ABCA8: variants seen among roughly 807,000 people sequenced by gnomAD.
The protein encoded by ABCA8 is ATP binding cassette subfamily A member 8.
ABCA8 carries 177 observed loss-of-function variants against 192.3 expected under a neutral mutation model. The observed-to-expected ratio is 0.92, with a 90% confidence interval of 0.81 to 1.04. The LOEUF (loss-of-function observed/expected upper bound fraction) is 1.04. Ranked by LOEUF, ABCA8 falls within the 50% of genes least tolerant of loss-of-function variation. The pLI is 0.00. For missense variants in ABCA8, 1,915 were observed against 1,904.8 expected (o/e 1.01, Z -0.10); for synonymous variants, 642 against 690.2 (o/e 0.93, Z 1.09).
At chr17:68,868,207 G>A (rs1436395359) in intron 39 of ABCA8, 24 bp from the exon 40 acceptor site, 1 of 1,610,236 alleles carries the variant, frequency 6.2e-7, no homozygotes, top group Non-Finnish European at 8.5e-7. Context: ...AGGAAATAAA[G>A]AGAGGAGAAC....
chr17:68,920,960 T>G (rs973449935), intron 13 of ABCA8, among the ~76,000 whole-genome samples: 1 of 152,104 alleles, frequency 6.6e-6, no homozygotes, highest in Admixed American at 6.5e-5. Flanking sequence ...CAAATGTCCC[T>G]CAATGATAGA....
chr17:68,928,029 G>A lies in ABCA8; in HGVS notation c.1160C>T (p.Ala387Val). Reference protein sequence around the residue: ...LHLDYDLNSNAFPHPSDGSNL... With the variant: ...LHLDYDLNSNVFPHPSDGSNL... ...TGAGCCGTCCGATGGATGAGGAAAT[G>A]CATTAGAATTCAAATCATAGTCCAA... The change falls in exon 10 of 40, where the codon GCA becomes GTA. Residue 387 changes from alanine to valine, a missense_variant. Transcript: ENST00000586539. The A allele has an allele frequency of 6.3e-7, 1 of 1,599,716 alleles. No homozygotes were observed.
At chr17:68,947,111 G>A (rs2068432744) in intron 2 of ABCA8, among the ~76,000 whole-genome samples, 1 of 152,134 alleles carries the variant, frequency 6.6e-6, no homozygotes, top group East Asian at 1.9e-4. Context: ...CAAGTTTCAT[G>A]ATAAATAAAG....
At position 68,881,984 on chromosome 17, in the gene ABCA8, T is replaced by A; in HGVS notation, c.3829-4A>T. 1.9e-6 allele frequency: 3 copies of A among 1,609,984 alleles called. No individual in the cohort carries two copies. The Middle Eastern group carries it at 5.0e-4, about 266-fold the overall frequency. On this transcript the variant is annotated splice_region_variant and splice_polypyrimidine_tract_variant and intron_variant, in intron 30 of 39. Coordinates refer to ENST00000586539, the MANE Select transcript of ABCA8 (RefSeq NM_001288985.2). The stretch of plus-strand genomic sequence containing the variant: ...AGCTGGCAATGATGACTGGCTTCTG[T>A]AAATGACAAGAAGTTATTATGTCAG...
At chr17:68,924,672 G>T in intron 11 of ABCA8, 29 bp downstream of exon 11, 2 of 1,595,406 alleles carry the variant, frequency 1.3e-6, no homozygotes, top group Non-Finnish European at 1.7e-6. Context: ...CTGCCTTTTT[G>T]CCCTGTTCTC....
chr17:68,876,698 A>G lies in ABCA8; in HGVS notation c.4205T>C (p.Val1402Ala). The change falls in exon 34 of 40, where the codon GTG (valine) becomes GCG (alanine). Residue 1402 changes from valine (V) to alanine (A), a missense_variant. Coordinates refer to ENST00000586539, the MANE Select transcript of ABCA8 (RefSeq NM_001288985.2). ...CTGGTCCTGCAGCTTGAGCGCATCC[A>G]CTAACCTGAAGGAAACAGGAGAGTC... ...GDAEVAITRLVDALKLQDQLK... is the reference protein window; with the variant it reads ...GDAEVAITRLADALKLQDQLK... The G allele has an allele frequency of 6.2e-7, 1 of 1,614,198 alleles. No homozygotes were observed. The highest frequency in any genetic ancestry group is 1.1e-5 in the South Asian group (1 of 91,080).
chr17:68,909,811 AT>A (rs1264068931), intron 17 of ABCA8, among the ~76,000 whole-genome samples: 2 of 152,030 alleles, frequency 1.3e-5, no homozygotes, highest in African/African-American at 4.8e-5. Flanking sequence ...CTGTCATCCT[AT>A]TTTCTTTGTA....
At position 68,911,613 on chromosome 17, in the gene ABCA8, C is replaced by T. The variant is rs948663851; in HGVS notation, c.2139-3734G>A. On this transcript the variant is annotated intron_variant, in intron 17 of 39. Transcript: ENST00000586539. The surrounding 1 kb of genome is among the most constrained non-coding windows in gnomAD (Gnocchi z 5.7). ...ACATTGGCGGTAGCCAGGCAGTGGT[C>T]GCTGCGGGTCTTGGGAAAGACCCAG... 1.3e-5 allele frequency among the ~76,000 whole-genome samples: 2 copies of T among 152,124 alleles called. No homozygotes were observed. The highest frequency in any genetic ancestry group is 1.3e-4 in the Admixed American group (2 of 15,274).
intron 8 of ABCA8, 91 bp from the exon 9 acceptor site, chr17:68,929,325 G>T (rs1047515719): frequency 8.9e-7 from 1 of 1,125,090 alleles, no homozygotes; most frequent in Non-Finnish European, 1.2e-6. Flanking sequence ...GTTATTTTGT[G>T]TATGTAACAG....
intron 37 of ABCA8, among the ~76,000 whole-genome samples, chr17:68,873,935 T>G (rs1328304025): frequency 6.6e-6 from 1 of 152,224 alleles, no homozygotes; most frequent in Non-Finnish European, 1.5e-5. Flanking sequence ...AGTGCCATAT[T>G]GTTTTGATTT....
intron 23 of ABCA8, 97 bp from the exon 24 acceptor site, chr17:68,891,693 C>A: frequency 1.2e-6 from 1 of 861,806 alleles, no homozygotes. Context: ...TTACATAATT[C>A]TGCCTTAGGT....
At chr17:68,918,792 C>G (rs537384053) in intron 14 of ABCA8, among the ~76,000 whole-genome samples, 4 of 151,950 alleles carry the variant, frequency 2.6e-5, no homozygotes, top group African/African-American at 9.7e-5. Context: ...ATTAGCCAAG[C>G]CTGGCGGCGT....
intron 11 of ABCA8, among the ~76,000 whole-genome samples, chr17:68,922,988 T>C (rs147774422): frequency 1.6e-4 from 24 of 152,234 alleles, no homozygotes; most frequent in African/African-American, 5.8e-4. Context: ...GGTTACATGG[T>C]GATGATGGCT....
rs4147979 is a variant in ABCA8, at chr17:68,929,183, C to T, written c.991G>A (p.Gly331Ser). The change falls in exon 9 of 40, where the codon GGC becomes AGC. Residue 331 changes from glycine (G) to serine (S), a missense_variant. Transcript: ENST00000586539. Reference protein sequence around the residue: ...SILVKKSFLTGLVVFLLTVFW... With the variant: ...SILVKKSFLTSLVVFLLTVFW... ...ACAGTGAGGAGGAACACGACCAGGC[C>T]GGTGAGGAAAGATTTCTTTACCAAG... 573 of 1,608,862 alleles carry T rather than the reference C, an allele frequency of 3.6e-4. No homozygotes were observed. The highest frequency in any genetic ancestry group is 4.4e-4 in the Non-Finnish European group (515 of 1,177,428).
intron 29 of ABCA8, 134 bp downstream of exon 29, chr17:68,883,657 T>A: frequency 1.7e-6 from 1 of 602,500 alleles, no homozygotes; most frequent in South Asian, 2.3e-5. Flanking sequence ...TCTGTATTAT[T>A]TGTATGGGCA....
intron 21 of ABCA8, among the ~76,000 whole-genome samples, chr17:68,895,970 C>T (rs1485449719): frequency 6.6e-6 from 1 of 151,998 alleles, no homozygotes; most frequent in Admixed American, 6.6e-5. Context: ...CCAGAGGCCA[C>T]CACCCCTGCC....
intron 5 of ABCA8, among the ~76,000 whole-genome samples, 165 bp from the exon 6 acceptor site, chr17:68,933,436 T>C (rs2067967391): frequency 6.6e-6 from 1 of 152,180 alleles, no homozygotes; most frequent in African/African-American, 2.4e-5. Context: ...TAACAATGAT[T>C]CTCAAAATGA....
At chr17:68,923,107 C>G (rs1311285653) in intron 11 of ABCA8, among the ~76,000 whole-genome samples, 1 of 151,896 alleles carries the variant, frequency 6.6e-6, no homozygotes, top group Admixed American at 6.6e-5. Flanking sequence ...ATCCATAGGC[C>G]AAATCAAATT....
chr17:68,889,971 G>A (rs2066585551), intron 24 of ABCA8, among the ~76,000 whole-genome samples: 1 of 152,126 alleles, frequency 6.6e-6, no homozygotes, highest in Non-Finnish European at 1.5e-5. Flanking sequence ...CACTTGGGTT[G>A]TTTCAAGTTG....
Sources: gnomAD v4.1 joint callset for allele counts (sites outside exome capture counted in the v4.1 genomes callset) on GRCh38, gnomAD v4.1.1 for gene constraint, Gnocchi (gnomAD v3.1) non-coding constraint, MANE v1.5 for transcripts, NCBI Gene and HGNC (gene_info 2026-07-23, HGNC 2026-07-21) for gene names.